EPB41L2: variants seen among roughly 807,000 people sequenced by gnomAD.
EPB41L2 encodes erythrocyte membrane protein band 4.1 like 2, also known as band 4.1-like protein 2.
A neutral mutation model predicts 113.0 loss-of-function variants in EPB41L2; 43 were observed. The observed-to-expected ratio is 0.38, with a 90% CI of 0.30 to 0.49. EPB41L2 has a LOEUF of 0.49. Among genes scored for constraint, EPB41L2 ranks in the 20% least tolerant of loss-of-function variants. The pLI, the probability that EPB41L2 is intolerant of heterozygous loss-of-function variation, is 0.95. For synonymous variants in EPB41L2, 442 were observed against 436.7 expected (o/e 1.01, Z -0.15); for missense variants, 1,147 against 1,223.4 (o/e 0.94, Z 0.93).
At chr6:131,052,958 C>T (rs772856913) in intron 1 of EPB41L2, among the ~76,000 whole-genome samples, 7 of 151,832 alleles carry the variant, frequency 4.6e-5, no homozygotes, top group African/African-American at 9.7e-5. Context: ...TGCTATGGTG[C>T]GATCTTGGCT....
intron 4 of EPB41L2, among the ~76,000 whole-genome samples, chr6:130,915,255 A>T (rs935845420): frequency 6.6e-6 from 1 of 152,114 alleles, no homozygotes; most frequent in Non-Finnish European, 1.5e-5. Context: ...GTGAGCCGAG[A>T]TCCCGCCACT....
rs1800475705 is a variant in EPB41L2 at position 130,914,955 on chromosome 6, A to T, written c.811-6092T>A. On this transcript the variant is annotated intron_variant, in intron 4 of 19. Coordinates refer to ENST00000337057, the MANE Select transcript of EPB41L2 (RefSeq NM_001431.4). ...TAAAAGTTATAAGGAATCCTAAAAC[A>T]GGCTTCCAACAGAAGTAAAATAAAA... Among the ~76,000 whole-genome samples the T allele has an allele frequency of 1.3e-5, 2 of 152,246 alleles. 1 individual carries two copies. The highest frequency in any genetic ancestry group is 4.1e-4 in the South Asian group (2 of 4,834).
At chr6:131,041,492 T>C (rs896210762) in intron 1 of EPB41L2, among the ~76,000 whole-genome samples, 2 of 152,180 alleles carry the variant, frequency 1.3e-5, no homozygotes, top group Non-Finnish European at 2.9e-5. Flanking sequence ...TATCACTTGA[T>C]AGGAAGCAGT....
At chr6:130,957,563 G>C (rs1817852935) in intron 1 of EPB41L2, among the ~76,000 whole-genome samples, 1 of 151,326 alleles carries the variant, frequency 6.6e-6, no homozygotes, top group Admixed American at 6.6e-5. Flanking sequence ...GGGAGTCTGA[G>C]ACAAGAAACA....
intron 11 of EPB41L2, among the ~76,000 whole-genome samples, chr6:130,887,309 C>G (rs1280731420): frequency 6.6e-6 from 1 of 152,206 alleles, no homozygotes; most frequent in African/African-American, 2.4e-5. Context: ...TTGGCCTACT[C>G]CCACTAAAGG....
At chr6:130,926,066 T>C (rs1249226405) in intron 4 of EPB41L2, among the ~76,000 whole-genome samples, 1 of 152,204 alleles carries the variant, frequency 6.6e-6, no homozygotes, top group Non-Finnish European at 1.5e-5. Context: ...CTGCTGACTG[T>C]GATTTGAATG....
chr6:131,029,221 A>G (rs1013407423), intron 1 of EPB41L2, among the ~76,000 whole-genome samples: 1 of 152,128 alleles, frequency 6.6e-6, no homozygotes, highest in African/African-American at 2.4e-5. Context: ...TGGTAAGGAA[A>G]TACAAGACTT....
At chr6:131,042,300 T>C (rs1794611065) in intron 1 of EPB41L2, among the ~76,000 whole-genome samples, 1 of 152,076 alleles carries the variant, frequency 6.6e-6, no homozygotes. Context: ...AAATAAAAAC[T>C]AGCAAAAGAT....
chr6:130,844,899 T>C (rs1430984798), intron 19 of EPB41L2, among the ~76,000 whole-genome samples: 1 of 152,072 alleles, frequency 6.6e-6, no homozygotes, highest in Non-Finnish European at 1.5e-5. Context: ...AAAAATTAGC[T>C]GGGCATGGTG....
chr6:130,937,733 T>G (rs1031397666), intron 3 of EPB41L2, among the ~76,000 whole-genome samples: 1 of 151,284 alleles, frequency 6.6e-6, no homozygotes, highest in African/African-American at 2.5e-5. Flanking sequence ...GCAGAATTGC[T>G]TGAACCAGGA....
At chr6:131,015,288 G>A (rs1787947746) in intron 1 of EPB41L2, 1 of 152,148 alleles carries the variant, frequency 6.6e-6, no homozygotes, top group Admixed American at 6.5e-5. Flanking sequence ...CACTTGGGAG[G>A]GTCTGAAGGA....
chr6:131,043,693 G>A (rs1794879439), intron 1 of EPB41L2, among the ~76,000 whole-genome samples: 1 of 152,192 alleles, frequency 6.6e-6, no homozygotes, highest in Non-Finnish European at 1.5e-5. Flanking sequence ...AAGAGACTAT[G>A]AAAGAAACAA....
At chr6:130,947,700 T>C (rs1018546902) in intron 3 of EPB41L2, among the ~76,000 whole-genome samples, 4 of 152,232 alleles carry the variant, frequency 2.6e-5, no homozygotes, top group South Asian at 2.1e-4. Context: ...AACATTAGCC[T>C]GCTCAACCCC....
intron 1 of EPB41L2, among the ~76,000 whole-genome samples, chr6:131,057,866 G>C (rs1378150106): frequency 1.3e-5 from 2 of 152,210 alleles, no homozygotes; most frequent in Non-Finnish European, 2.9e-5. Flanking sequence ...TAGATGAACA[G>C]TGACAAAACC....
intron 18 of EPB41L2, among the ~76,000 whole-genome samples, chr6:130,860,508 T>A (rs1487920914): frequency 2.6e-5 from 4 of 152,110 alleles, no homozygotes; most frequent in Admixed American, 1.3e-4. Flanking sequence ...AAACATCACA[T>A]CTTACTGCCA....
At chr6:131,032,319 G>C (rs887953940) in intron 1 of EPB41L2, among the ~76,000 whole-genome samples, 6 of 151,264 alleles carry the variant, frequency 4.0e-5, no homozygotes, top group Non-Finnish European at 7.4e-5. Context: ...TTCAGCTCCC[G>C]AGAATGTAAA....
At chr6:130,924,121 T>C (rs972287891) in intron 4 of EPB41L2, among the ~76,000 whole-genome samples, 3 of 152,218 alleles carry the variant, frequency 2.0e-5, no homozygotes, top group Non-Finnish European at 2.9e-5. Context: ...TGGTGTCCTC[T>C]AGGTTAATCC....
At chr6:130,885,717 C>G (rs542643338) in intron 11 of EPB41L2, among the ~76,000 whole-genome samples, 2 of 151,554 alleles carry the variant, frequency 1.3e-5, no homozygotes, top group East Asian at 3.9e-4. Context: ...AAGAATTGCT[C>G]CATAAAGGAA....
At chr6:130,873,360 C>A (rs1786376809) in intron 14 of EPB41L2, among the ~76,000 whole-genome samples, 1 of 152,112 alleles carries the variant, frequency 6.6e-6, no homozygotes, top group African/African-American at 2.4e-5. Flanking sequence ...TGAGGGACAG[C>A]AGAACTGTCC....
Sources: gnomAD v4.1 joint callset for allele counts (sites outside exome capture counted in the v4.1 genomes callset) on GRCh38, gnomAD v4.1.1 for gene constraint, MANE v1.5 for transcripts, NCBI Gene and HGNC (gene_info 2026-07-23, HGNC 2026-07-21) for gene names.